FAF1: variants seen among roughly 807,000 people sequenced by gnomAD.
FAF1 encodes the protein Fas associated factor 1.
A neutral mutation model predicts 92.5 loss-of-function variants in FAF1; 25 were observed. The ratio of observed to expected loss-of-function variants is 0.27; its 90% CI spans 0.20 to 0.38. The LOEUF is 0.38. Ranked by LOEUF, FAF1 falls within the 10% of genes least tolerant of loss-of-function variation. The pLI is 1.00. For synonymous variants in FAF1, 234 were observed against 273.2 expected, an observed-to-expected ratio of 0.86 and a Z score of 1.42; for missense variants, 636 against 793.3, an observed-to-expected ratio of 0.80 and a Z score of 2.38.
intron 8 of FAF1, among the ~76,000 whole-genome samples, chr1:50,644,181 G>A (rs2124256397): frequency 6.6e-6 from 1 of 152,198 alleles, no homozygotes; most frequent in African/African-American, 2.4e-5. Context: ...TCCTTATTCA[G>A]GCTTCTTTTT....
intron 18 of FAF1, chr1:50,452,098 G>A: frequency 7.4e-7 from 1 of 1,345,184 alleles, no homozygotes; most frequent in African/African-American, 1.5e-5. Flanking sequence ...AAAAACAGGA[G>A]ATGATCCAAG....
At chr1:50,450,468 A>C (rs1646282219) in intron 18 of FAF1, among the ~76,000 whole-genome samples, 1 of 152,108 alleles carries the variant, frequency 6.6e-6, no homozygotes, top group African/African-American at 2.4e-5. Flanking sequence ...TCAACTTCTG[A>C]CCTACTTCTA....
At position 50,475,671 on chromosome 1, in the gene FAF1, C is replaced by G. The variant is rs1252672619; in HGVS notation, c.1662G>C (p.Arg554=). The change falls in exon 18 of 19, where the codon CGG becomes CGC. Residue 554 remains arginine (R), a synonymous_variant. Coordinates refer to ENST00000396153, the MANE Select transcript of FAF1 (RefSeq NM_007051.3). ...GAGGCAGGGCTTGCTCTAAGGACAG[C>G]CGGATGGCCTAGGGAGAGCAAAAAC... ...KEQEEEREAI[R]LSLEQALPPE... The G allele has an allele frequency of 6.2e-7, 1 of 1,613,090 alleles. No homozygotes were observed. Among genetic ancestry groups the G allele is most frequent in the South Asian group, 1.1e-5 (1 of 90,948 alleles).
At chr1:50,557,031 G>C (rs1163970975) in intron 13 of FAF1, among the ~76,000 whole-genome samples, 1 of 152,114 alleles carries the variant, frequency 6.6e-6, no homozygotes, top group African/African-American at 2.4e-5. Context: ...AATTATTTGA[G>C]AGCTGCTCAG....
At chr1:50,842,725 AC>A (rs1644265710) in intron 2 of FAF1, among the ~76,000 whole-genome samples, 2 of 152,152 alleles carry the variant, frequency 1.3e-5, no homozygotes, top group South Asian at 4.2e-4. Context: ...CTAAAATGCT[AC>A]CCCATAAAAT....
At chr1:50,779,991 G>GACAGACACACACACACACACAC (rs369288416) in intron 4 of FAF1, among the ~76,000 whole-genome samples, 646 of 145,480 alleles carry the variant, frequency 4.4e-3, no homozygotes, top group East Asian at 8.7e-3. Context: ...CAGACAGACA[G>GACAGACACACACACACACACAC]ACACACACAC....
chr1:50,455,591 C>T (rs1346521760), intron 18 of FAF1, among the ~76,000 whole-genome samples: 1 of 152,162 alleles, frequency 6.6e-6, no homozygotes, highest in African/African-American at 2.4e-5. Flanking sequence ...GTATTATCAA[C>T]ATCCAGGTCA....
At chr1:50,879,494 T>C (rs1186862133) in intron 1 of FAF1, among the ~76,000 whole-genome samples, 3 of 152,072 alleles carry the variant, frequency 2.0e-5, no homozygotes, top group Non-Finnish European at 4.4e-5. Flanking sequence ...AAAAACTGTA[T>C]CTGATGAAAG....
chr1:50,498,709 G>A (rs1160838605), intron 15 of FAF1, among the ~76,000 whole-genome samples: 2 of 152,112 alleles, frequency 1.3e-5, no homozygotes, highest in Admixed American at 6.6e-5. Context: ...AATTACCTGG[G>A]TGTGGGGGCG....
rs751966964 is a variant in FAF1 at position 50,664,029 on chromosome 1, C to T, written c.658-8501G>A. On this transcript the variant is annotated intron_variant, in intron 7 of 18. Coordinates refer to ENST00000396153, the MANE Select transcript of FAF1 (RefSeq NM_007051.3). ...TTTTTTTTTTTTTTAGACAGAGTCTCGCTCTGTCACCAGGCTGGAGTGTAG... is the reference window on the plus strand; with the variant it reads ...TTTTTTTTTTTTTTAGACAGAGTCTTGCTCTGTCACCAGGCTGGAGTGTAG... Among the ~76,000 whole-genome samples the T allele has an allele frequency of 1.4e-3, 201 of 142,806 alleles. 1 individual carries two copies. The highest frequency in any genetic ancestry group is 4.3e-3 in the Admixed American group (60 of 14,030). The allele number at this position is 142,806 out of a possible 152,430, so 93.7% of individuals were successfully genotyped here. A position where few individuals can be genotyped will look rare whatever the true frequency, so the allele number is the denominator to read the frequency against.
chr1:50,821,463 C>T (rs979912590), intron 2 of FAF1, among the ~76,000 whole-genome samples: 2 of 152,064 alleles, frequency 1.3e-5, no homozygotes, highest in African/African-American at 4.8e-5. Context: ...TTCTTATTTC[C>T]CATGGGCCCT....
intron 15 of FAF1, among the ~76,000 whole-genome samples, chr1:50,527,352 T>C (rs1647863716): frequency 6.6e-6 from 1 of 152,196 alleles, no homozygotes; most frequent in Non-Finnish European, 1.5e-5. Context: ...CTTTTTGTTA[T>C]TGAGTTGTAA....
intron 6 of FAF1, among the ~76,000 whole-genome samples, chr1:50,722,371 G>A (rs765375346): frequency 1.3e-5 from 2 of 152,160 alleles, no homozygotes; most frequent in East Asian, 1.9e-4. Context: ...CTATAAGGCC[G>A]GGCGCGGTGG....
intron 15 of FAF1, among the ~76,000 whole-genome samples, chr1:50,513,785 T>C (rs1647169643): frequency 6.6e-6 from 1 of 152,204 alleles, no homozygotes; most frequent in South Asian, 2.1e-4. Context: ...GAAGGGACTT[T>C]TATCCCTATT....
chr1:50,920,328 A>C (rs1480061750), intron 1 of FAF1, among the ~76,000 whole-genome samples: 3 of 151,758 alleles, frequency 2.0e-5, no homozygotes, highest in Non-Finnish European at 4.4e-5. Context: ...GTAAAGAAAG[A>C]AAATATGCTT....
intron 1 of FAF1, among the ~76,000 whole-genome samples, chr1:50,868,647 A>C (rs1644502344): frequency 6.6e-6 from 1 of 152,018 alleles, no homozygotes; most frequent in Non-Finnish European, 1.5e-5. Flanking sequence ...TTTCCTCATG[A>C]TCTGTTTTTT....
At chr1:50,935,112 T>C (rs1168946207) in intron 1 of FAF1, among the ~76,000 whole-genome samples, 4 of 152,204 alleles carry the variant, frequency 2.6e-5, no homozygotes, top group African/African-American at 4.8e-5. Flanking sequence ...ATAAGATCCA[T>C]ATAACCAACA....
chr1:50,800,778 C>T (rs1485810505), intron 3 of FAF1, among the ~76,000 whole-genome samples: 1 of 152,192 alleles, frequency 6.6e-6, no homozygotes, highest in East Asian at 1.9e-4. Flanking sequence ...AAAACGACCT[C>T]ATTCCTAATC....
At chr1:50,600,402 C>A (rs1361114402) in intron 8 of FAF1, among the ~76,000 whole-genome samples, 3 of 152,044 alleles carry the variant, frequency 2.0e-5, no homozygotes, top group Non-Finnish European at 2.9e-5. Flanking sequence ...AACTGTGAGG[C>A]AGACCAATGT....
Sources: allele counts gnomAD v4.1 joint callset (sites outside exome capture counted in the v4.1 genomes callset), GRCh38; gene constraint gnomAD v4.1.1; transcripts MANE v1.5; gene names NCBI Gene and HGNC (gene_info 2026-07-23, HGNC 2026-07-21).